BRWD1: variants seen among roughly 807,000 people sequenced by gnomAD.
BRWD1 encodes bromodomain and WD repeat-containing protein 1.
In BRWD1, 82 loss-of-function variants were observed where a neutral mutation model predicts 251.2. The ratio of observed to expected loss-of-function variants is 0.33; its 90% CI spans 0.27 to 0.39. The LOEUF is 0.39. Among genes scored for constraint, BRWD1 ranks in the 10% least tolerant of loss-of-function variants. The probability of loss-of-function intolerance (pLI) is 1.00; values close to 1 mark genes in which losing one functional copy is unlikely to be tolerated. For missense variants in BRWD1, 2,233 were observed against 2,711.6 expected, an observed-to-expected ratio of 0.82 and a Z score of 3.92; for synonymous variants, 918 against 902.8, an observed-to-expected ratio of 1.02 and a Z score of -0.30.
At chr21:39,298,154 G>C (rs2036008190) in intron 5 of BRWD1, 1 of 1,073,066 alleles carries the variant, frequency 9.3e-7, no homozygotes. Flanking sequence ...GGAAAATTAA[G>C]AACTCACATT....
At chr21:39,260,215 A>C (rs1487118480) in intron 17 of BRWD1, among the ~76,000 whole-genome samples, 2 of 152,200 alleles carry the variant, frequency 1.3e-5, no homozygotes, top group African/African-American at 4.8e-5. Flanking sequence ...AAAATTCCTA[A>C]GATTACAACA....
At chr21:39,241,810 A>G (rs1398897150) in intron 21 of BRWD1, among the ~76,000 whole-genome samples, 1 of 152,144 alleles carries the variant, frequency 6.6e-6, no homozygotes, top group Non-Finnish European at 1.5e-5. Flanking sequence ...TCTTGTCTCT[A>G]TGTCACATTT....
At position 39,298,414 on chromosome 21, in the gene BRWD1, T is replaced by C. The variant is rs773720757; in HGVS notation, c.349+18A>G. 9 of 1,565,034 alleles carry C rather than the reference T, an allele frequency of 5.8e-6. No individual in the cohort carries two copies. The East Asian group carries it at 2.1e-4, about 36-fold the overall frequency. On this transcript the variant is annotated intron_variant, in intron 5 of 40. Transcript: ENST00000342449. ...AGGCTATTAATACAAAGCAGAACAC[T>C]TCTTCAAATTAAGGTACCTTTTGCT...
At position 39,273,387 on chromosome 21, in the gene BRWD1, T is replaced by C. The variant is rs889858861; in HGVS notation, c.1244+987A>G. 2.8e-4 allele frequency among the ~76,000 whole-genome samples: 43 copies of C among 152,138 alleles called. 2 individuals carry two copies. The highest frequency in any genetic ancestry group is 4.4e-5 in the Non-Finnish European group (3 of 68,032). On this transcript the variant is annotated intron_variant, in intron 13 of 40. Coordinates refer to ENST00000342449, the MANE Select transcript of BRWD1 (RefSeq NM_033656.4). Reference sequence around the variant, plus strand: ...CAGTATATATACTTTTCATTCTCTATCACAGATAATTCCACAAAAAAACAA... The same window carrying C: ...CAGTATATATACTTTTCATTCTCTACCACAGATAATTCCACAAAAAAACAA...
intron 13 of BRWD1, among the ~76,000 whole-genome samples, chr21:39,273,721 T>C (rs959845919): frequency 2.6e-5 from 4 of 152,068 alleles, no homozygotes; most frequent in Admixed American, 1.3e-4. Flanking sequence ...CCACTGGCGC[T>C]CCAGCCTGGG....
At chr21:39,249,940 G>A (rs1195065899) in intron 20 of BRWD1, among the ~76,000 whole-genome samples, 1 of 146,190 alleles carries the variant, frequency 6.8e-6, no homozygotes, top group Non-Finnish European at 1.5e-5. Flanking sequence ...GTGTGTGTGT[G>A]TGTGTGTGTG....
At chr21:39,255,917 C>T (rs996013802) in intron 18 of BRWD1, 89 bp from the exon 19 acceptor site, 38 of 1,149,796 alleles carry the variant, frequency 3.3e-5, no homozygotes, top group Middle Eastern at 2.0e-4. Flanking sequence ...ACCTAAGATG[C>T]GCACCAAAAA....
chr21:39,239,102 G>A (rs76333815), intron 21 of BRWD1, among the ~76,000 whole-genome samples: 187 of 152,124 alleles, frequency 1.2e-3, no homozygotes, highest in African/African-American at 4.2e-3. Context: ...TCAGATATAA[G>A]TTTTACTAAT....
chr21:39,188,255 A>G lies in BRWD1; in HGVS notation c.*8004T>C. ...CTTTCTTGCAGCCATGAACAGTCAA[A>G]CTATCTAAAACTGCCTTCATGGTAC... On this transcript the variant is annotated 3_prime_UTR_variant, in exon 41 of 41. Coordinates refer to ENST00000342449, the MANE Select transcript of BRWD1 (RefSeq NM_033656.4). The G allele has an allele frequency of 4.1e-6, 4 of 985,352 alleles. No individual in the cohort carries two copies. The highest frequency in any genetic ancestry group is 4.8e-6 in the Non-Finnish European group (4 of 829,898). The allele number at this position is 985,352 out of a possible 1,614,324, so 61.0% of individuals were successfully genotyped here. A position where few individuals can be genotyped will look rare whatever the true frequency, so the allele number is the denominator to read the frequency against.
chr21:39,287,521 G>A (rs2035678648), intron 8 of BRWD1, among the ~76,000 whole-genome samples: 1 of 151,996 alleles, frequency 6.6e-6, no homozygotes, highest in Non-Finnish European at 1.5e-5. Context: ...GTTTTTCTCT[G>A]TATTAACCTT....
intron 15 of BRWD1, 53 bp from the exon 16 acceptor site, chr21:39,265,072 C>T (rs949341174): frequency 1.2e-5 from 18 of 1,551,828 alleles, no homozygotes; most frequent in Admixed American, 2.0e-5. Flanking sequence ...AAGTGATTTG[C>T]TATGTAAACT....
chr21:39,262,209 C>T (rs1416086786), intron 17 of BRWD1, among the ~76,000 whole-genome samples: 3 of 152,176 alleles, frequency 2.0e-5, no homozygotes. Context: ...ACAAATTCCA[C>T]GTGACAGTTG....
At chr21:39,223,007 AT>A (rs1357207218) in intron 29 of BRWD1, among the ~76,000 whole-genome samples, 2 of 152,212 alleles carry the variant, frequency 1.3e-5, no homozygotes, top group African/African-American at 4.8e-5. Flanking sequence ...TGGAAATTCT[AT>A]AAAATAACTG....
chr21:39,316,932 C>T (rs181759904), upstream of BRWD1: 1 of 152,124 alleles, frequency 6.6e-6, no homozygotes, highest in Non-Finnish European at 1.5e-5. Flanking sequence ...GAGCAAGACC[C>T]TGTCTCAAAA....
At position 39,215,290 on chromosome 21, in the gene BRWD1, A is replaced by G; in HGVS notation, c.3732T>C (p.Ser1244=). 1 of 1,612,560 alleles carries G rather than the reference A, an allele frequency of 6.2e-7. No individual in the cohort carries two copies. The highest frequency in any genetic ancestry group is 1.7e-4 in the Middle Eastern group (1 of 6,054). ...HNARTFNEPE[S]VIARSAKKIT... Reference sequence around the variant, plus strand: ...TCTTTTTAGCTGATCTTGCAATTACACTCTCAGGTTCGTTAAATGTTCTGG... The same window carrying G: ...TCTTTTTAGCTGATCTTGCAATTACGCTCTCAGGTTCGTTAAATGTTCTGG... The change falls in exon 32 of 41, where the codon AGT becomes AGC. Residue 1244 remains serine (S), a synonymous_variant. Coordinates refer to ENST00000342449, the MANE Select transcript of BRWD1 (RefSeq NM_033656.4).
At chr21:39,315,343 C>T (rs1034490548), upstream of BRWD1, among the ~76,000 whole-genome samples, 9 of 151,844 alleles carry the variant, frequency 5.9e-5, no homozygotes, top group Admixed American at 3.3e-4. Context: ...ACATAGATAT[C>T]TGTGAGGCTG....
At chr21:39,184,318 TTC>T (rs1323605849), downstream of BRWD1, 1 of 152,272 alleles carries the variant, frequency 6.6e-6, no homozygotes, top group Non-Finnish European at 1.5e-5. Context: ...TACAAAATGT[TTC>T]TTTTTAAATA....
At chr21:39,302,802 G>A (rs2036162598) in intron 4 of BRWD1, among the ~76,000 whole-genome samples, 1 of 150,402 alleles carries the variant, frequency 6.6e-6, no homozygotes, top group South Asian at 2.1e-4. Flanking sequence ...GCTCATGCCT[G>A]TAATCCCAGC....
At chr21:39,244,920 A>AT (rs1326715735) in intron 21 of BRWD1, among the ~76,000 whole-genome samples, 3 of 80,426 alleles carry the variant, frequency 3.7e-5, no homozygotes, top group African/African-American at 9.7e-5. Context: ...ACTTTGGAAG[A>AT]AATATATATA....
Sources: allele counts gnomAD v4.1 joint callset (sites outside exome capture counted in the v4.1 genomes callset), GRCh38; gene constraint gnomAD v4.1.1; transcripts MANE v1.5; gene names NCBI Gene and HGNC (gene_info 2026-07-23, HGNC 2026-07-21).